The following PTPRD variants were observed in gnomAD, a reference collection of about 807,000 sequenced individuals.
PTPRD encodes the protein protein tyrosine phosphatase receptor type D.
In PTPRD, 34 loss-of-function variants were observed where a neutral mutation model predicts 214.5. The ratio of observed to expected loss-of-function variants is 0.16; its 90% CI spans 0.12 to 0.21. The LOEUF is 0.21. Among genes scored for constraint, PTPRD ranks in the 10% least tolerant of loss-of-function variants. The probability of loss-of-function intolerance (pLI) is 1.00; values close to 1 mark genes in which losing one functional copy is unlikely to be tolerated. For missense variants in PTPRD, 2,545 were observed against 2,398.7 expected, an observed-to-expected ratio of 1.06 and a Z score of -1.27; for synonymous variants, 1,128 against 845.7, an observed-to-expected ratio of 1.33 and a Z score of -5.79.
rs900181833 is a variant in PTPRD at position 9,383,360 on chromosome 9, G to A, written c.-203+14089C>T. 2.6e-5 allele frequency among the ~76,000 whole-genome samples: 4 copies of A among 151,960 alleles called. No homozygotes were observed. The East Asian group carries it at 5.8e-4, about 22-fold the overall frequency. On this transcript the variant is annotated intron_variant, in intron 9 of 45. Transcript: ENST00000381196. Reference sequence around the variant, plus strand: ...CTGAGTACAAAATAAGTAAACAGATGGCAGAAAGCATACTATGGACATACA... The same window carrying A: ...CTGAGTACAAAATAAGTAAACAGATAGCAGAAAGCATACTATGGACATACA...
chr9:9,570,473 T>A (rs1399328050), intron 8 of PTPRD, among the ~76,000 whole-genome samples: 2 of 151,576 alleles, frequency 1.3e-5, no homozygotes, highest in Non-Finnish European at 3.0e-5. Flanking sequence ...GATTTTTCCC[T>A]TTAACTATCA....
chr9:9,728,441 C>G (rs780156749), intron 7 of PTPRD, among the ~76,000 whole-genome samples: 8 of 152,068 alleles, frequency 5.3e-5, no homozygotes, highest in Non-Finnish European at 8.8e-5. Flanking sequence ...AGAAGTTTAA[C>G]TAATTAGCTG....
At chr9:8,477,919 T>C (rs1227029723) in intron 30 of PTPRD, among the ~76,000 whole-genome samples, 1 of 152,252 alleles carries the variant, frequency 6.6e-6, no homozygotes. Flanking sequence ...CTTTCCTCTC[T>C]GGTTTTGTAT....
At position 10,208,838 on chromosome 9, in the gene PTPRD, TA is replaced by T. The variant is rs554941040; in HGVS notation, c.-545+132124del. ...TGCTTATTAATTAAGTGTGGGCAGG[TA>T]GATGACAAGGCACCGAGGCATATTG... On this transcript the variant is annotated intron_variant, in intron 3 of 45. Coordinates refer to ENST00000381196, the MANE Select transcript of PTPRD (RefSeq NM_002839.4). Among the ~76,000 whole-genome samples, 637 of 152,290 alleles carry T rather than the reference TA, an allele frequency of 4.2e-3. 4 individuals are homozygous for T. Among genetic ancestry groups the T allele is most frequent in the African/African-American group, 0.013 (536 of 41,564 alleles).
chr9:9,682,180 C>G (rs2097087877), intron 7 of PTPRD, among the ~76,000 whole-genome samples: 1 of 151,666 alleles, frequency 6.6e-6, no homozygotes, highest in Admixed American at 6.6e-5. Flanking sequence ...GCTAGCATAT[C>G]CCCCTCCTCG....
chr9:9,638,167 T>C (rs1447004199), intron 7 of PTPRD, among the ~76,000 whole-genome samples: 1 of 152,212 alleles, frequency 6.6e-6, no homozygotes, highest in African/African-American at 2.4e-5. Flanking sequence ...CTTTATTCTT[T>C]ACTTGGCCAG....
At chr9:8,787,828 C>T (rs1336617691) in intron 11 of PTPRD, among the ~76,000 whole-genome samples, 1 of 152,110 alleles carries the variant, frequency 6.6e-6, no homozygotes. Context: ...CTGCCTCCAC[C>T]CCAGTCATCT....
intron 21 of PTPRD, among the ~76,000 whole-genome samples, chr9:8,507,701 T>C (rs1399374501): frequency 6.6e-6 from 1 of 152,156 alleles, no homozygotes; most frequent in Non-Finnish European, 1.5e-5. Context: ...GAATTCAATT[T>C]TAAGGAAAAA....
chr9:8,994,309 T>A (rs975675434), intron 11 of PTPRD, among the ~76,000 whole-genome samples: 2 of 152,166 alleles, frequency 1.3e-5, no homozygotes, highest in Non-Finnish European at 2.9e-5. Context: ...TACTATGATG[T>A]GATTTAGTTA....
At chr9:8,461,984 G>C (rs1236444764) in intron 32 of PTPRD, among the ~76,000 whole-genome samples, 19 of 151,632 alleles carry the variant, frequency 1.3e-4, no homozygotes, top group Non-Finnish European at 4.4e-5. Context: ...TTCTCTACTA[G>C]CATCTCTTGT....
chr9:8,700,575 T>C (rs377598952), intron 12 of PTPRD: 13 of 152,300 alleles, frequency 8.5e-5, no homozygotes, highest in African/African-American at 3.1e-4. Flanking sequence ...TCAGTCACAG[T>C]CAATGTTTTC....
intron 11 of PTPRD, among the ~76,000 whole-genome samples, chr9:8,758,462 T>G (rs1454146994): frequency 6.6e-6 from 1 of 152,122 alleles, no homozygotes; most frequent in Non-Finnish European, 1.5e-5. Flanking sequence ...AATAAAAAGC[T>G]ATGAGTTTAC....
intron 11 of PTPRD, among the ~76,000 whole-genome samples, chr9:8,929,986 G>A (rs895796819): frequency 1.5e-4 from 22 of 150,390 alleles, no homozygotes; most frequent in African/African-American, 5.4e-4. Context: ...TATACTTTAA[G>A]TTCTAGGATA....
chr9:9,596,551 A>G (rs2154334000), intron 7 of PTPRD, among the ~76,000 whole-genome samples: 1 of 152,090 alleles, frequency 6.6e-6, no homozygotes, highest in Admixed American at 6.6e-5. Context: ...TGATTTTAGC[A>G]ATGTTTTTCT....
At position 9,741,609 on chromosome 9, in the gene PTPRD, C is replaced by G. The variant is rs572853887; in HGVS notation, c.-325-7038G>C. 1.9e-3 allele frequency among the ~76,000 whole-genome samples: 283 copies of G among 152,190 alleles called. 2 individuals are homozygous for G. Among genetic ancestry groups the G allele is most frequent in the Non-Finnish European group, 2.4e-3 (166 of 68,014 alleles). On this transcript the variant is annotated intron_variant, in intron 6 of 45. Coordinates refer to ENST00000381196, the MANE Select transcript of PTPRD (RefSeq NM_002839.4). ...TCCTAATGCTATCCCTCCCATAGTC[C>G]CCCAAACCCTGACAGGCCCCAGTGT...
At chr9:8,538,506 T>C (rs2077496019) in intron 14 of PTPRD, among the ~76,000 whole-genome samples, 1 of 151,666 alleles carries the variant, frequency 6.6e-6, no homozygotes, top group Non-Finnish European at 1.5e-5. Flanking sequence ...TATATATGAA[T>C]AAATTTTCTA....
Position 9,805,989 on chromosome 9 carries a change from G to C in PTPRD, c.-367-39138C>G, listed in dbSNP as rs2099070582. The stretch of plus-strand genomic sequence containing the variant: ...AGCTTACACAGAGGTAGCTTTTAGA[G>C]GGAATGGTGATCCTAACCCTCAAGT... On this transcript the variant is annotated intron_variant, in intron 5 of 45. Coordinates refer to ENST00000381196, the MANE Select transcript of PTPRD (RefSeq NM_002839.4). Among the ~76,000 whole-genome samples the C allele has an allele frequency of 4.6e-5, 7 of 152,284 alleles. No individual in the cohort carries two copies. In the South Asian group the frequency reaches 1.5e-3, roughly 32 times the overall value.
chr9:8,366,538 T>C (rs2079925254), intron 39 of PTPRD, among the ~76,000 whole-genome samples: 1 of 152,180 alleles, frequency 6.6e-6, no homozygotes, highest in Admixed American at 6.6e-5. Context: ...CTTTGGTAAA[T>C]TTCTGTGATT....
At chr9:10,249,548 C>A (rs1247791860) in intron 3 of PTPRD, among the ~76,000 whole-genome samples, 1 of 152,038 alleles carries the variant, frequency 6.6e-6, no homozygotes, top group African/African-American at 2.4e-5. Flanking sequence ...TGGTCACTGG[C>A]CAACTATAAG....
Sources: gnomAD v4.1 joint callset for allele counts (sites outside exome capture counted in the v4.1 genomes callset) on GRCh38, gnomAD v4.1.1 for gene constraint, MANE v1.5 for transcripts, NCBI Gene and HGNC (gene_info 2026-07-23, HGNC 2026-07-21) for gene names.